Variants in NOD2 observed in about 807,000 individuals in gnomAD.
NOD2 encodes nucleotide binding oligomerization domain containing 2.
Under a neutral mutation model 90.9 loss-of-function variants are expected in NOD2, and 86 were observed. That is an observed-to-expected ratio of 0.95 (90% CI 0.79 to 1.13). The LOEUF is 1.13. NOD2 is among the 50% of genes most tolerant of loss of function. The pLI, the probability that NOD2 is intolerant of heterozygous loss-of-function variation, is 0.00. For missense variants in NOD2, 1,238 were observed against 1,283.8 expected, an observed-to-expected ratio of 0.96 and a Z score of 0.55; for synonymous variants, 581 against 554.6, an observed-to-expected ratio of 1.05 and a Z score of -0.67.
intron 2 of NOD2, among the ~76,000 whole-genome samples, chr16:50,700,472 A>G (rs527393163): frequency 1.2e-4 from 19 of 152,330 alleles, no homozygotes; most frequent in Admixed American, 3.9e-4. Flanking sequence ...AGGAACTCAG[A>G]TTCTGGAGCC....
intron 11 of NOD2, 143 bp downstream of exon 11, chr16:50,730,044 A>C: frequency 1.5e-6 from 1 of 663,714 alleles, no homozygotes; most frequent in Non-Finnish European, 2.8e-6. Flanking sequence ...CTGCATGTGA[A>C]GGATCTGATT....
intron 3 of NOD2, among the ~76,000 whole-genome samples, chr16:50,709,040 T>G (rs1964334543): frequency 6.6e-6 from 1 of 152,174 alleles, no homozygotes; most frequent in South Asian, 2.1e-4. Context: ...TATTTCTCTA[T>G]AAAATGACAT....
chr16:50,708,915 T>C (rs1184761178), intron 3 of NOD2, among the ~76,000 whole-genome samples: 2 of 152,216 alleles, frequency 1.3e-5, no homozygotes, highest in Non-Finnish European at 2.9e-5. Context: ...GTGCAGGCCC[T>C]GGTTTGGCCC....
chr16:50,729,572 A>G (rs949958140), intron 10 of NOD2, among the ~76,000 whole-genome samples: 1 of 152,244 alleles, frequency 6.6e-6, no homozygotes, highest in African/African-American at 2.4e-5. Context: ...CTTAACCACT[A>G]TCCTAAGGGA....
Position 50,699,734 on chromosome 16 carries a change from C to G in NOD2, c.239C>G (p.Ala80Gly). The G allele has an allele frequency of 1.2e-6, 2 of 1,614,030 alleles. No individual in the cohort carries two copies. Residue 80 changes from alanine (A) to glycine (G), a missense_variant, in exon 2 of 12, where the codon GCC (alanine) becomes GGC (glycine). By Grantham distance (60) the Ala-to-Gly change is moderately conservative (BLOSUM62 0). Around this residue, in one of 3 missense-constraint regions of NOD2, gnomAD observed 567 missense variants for 577.3 expected, o/e 0.98. Transcript: ENST00000647318. ...GCCTGTCAGAAGCTCATCGCGGCTG[C>G]CCAAGAAGCCCAGGCCGACAGCCAG... ...TWACQKLIAA[A>G]QEAQADSQSP...
intron 2 of NOD2, among the ~76,000 whole-genome samples, chr16:50,705,873 C>A (rs2150796261): frequency 6.6e-6 from 1 of 152,162 alleles, no homozygotes; most frequent in East Asian, 1.9e-4. Context: ...ACAAAACAGA[C>A]AAAAATCTTT....
intron 4 of NOD2, 27 bp from the exon 5 acceptor site, chr16:50,716,560 T>C: frequency 1.2e-6 from 2 of 1,603,440 alleles, no homozygotes; most frequent in Non-Finnish European, 1.7e-6. Flanking sequence ...AGCTCCATTT[T>C]CAAATGTATT....
intron 1 of NOD2, among the ~76,000 whole-genome samples, chr16:50,695,191 C>A (rs920622070): frequency 6.6e-6 from 1 of 151,496 alleles, no homozygotes; most frequent in Non-Finnish European, 1.5e-5. Flanking sequence ...AAGGAGAGCC[C>A]GTTGAGCGGA....
chr16:50,699,902 G>T lies in NOD2; in HGVS notation c.407G>T (p.Ser136Ile). ...LDLAWERGFVSQYECDEIRLP... is the reference protein window; with the variant it reads ...LDLAWERGFVIQYECDEIRLP... ...CTGGCATGGGAGCGGGGTTTCGTCA[G>T]CCAGTATGAATGTGATGAAATCAGG... The change falls in exon 2 of 12, where the codon AGC becomes ATC. Residue 136 changes from serine (S) to isoleucine (I), a missense_variant. Physicochemically the swap from Ser to Ile is moderately radical, Grantham distance 142. Coordinates refer to ENST00000647318, the MANE Select transcript of NOD2 (RefSeq NM_001370466.1). 1 of 1,612,158 alleles carries T rather than the reference G, an allele frequency of 6.2e-7. No individual in the cohort carries two copies.
chr16:50,716,931 A>T lies in NOD2; in HGVS notation c.2506A>T (p.Met836Leu), dbSNP rs104895447. The T allele has an allele frequency of 6.8e-6, 11 of 1,614,126 alleles. No individual in the cohort carries two copies. The highest frequency in any genetic ancestry group is 9.3e-6 in the Non-Finnish European group (11 of 1,180,038). ...NKLTDGCAHS[M>L]AKLLACRQNF... is the part of the protein sequence containing the mutation. ...ATTGACTGACGGCTGTGCACACTCC[A>T]TGGCTAAGCTCCTTGCATGCAGGCA... Residue 836 changes from methionine to leucine, a missense_variant, in exon 6 of 12, where the codon ATG becomes TTG. Physicochemically the swap from Met to Leu is conservative, Grantham distance 15. Transcript: ENST00000647318.
intron 1 of NOD2, chr16:50,697,101 G>A (rs1275317628): frequency 1.1e-5 from 9 of 793,616 alleles, no homozygotes; most frequent in Admixed American, 2.0e-5. Context: ...TCTGGCCTCC[G>A]GCTTTTCCTT....
chr16:50,706,509 G>A (rs1039722580), intron 2 of NOD2, among the ~76,000 whole-genome samples: 4 of 152,114 alleles, frequency 2.6e-5, no homozygotes, highest in Admixed American at 6.6e-5. Flanking sequence ...ATTGTGGCTT[G>A]GAGGAGGATG....
chr16:50,701,243 G>A (rs1438806536), intron 2 of NOD2, among the ~76,000 whole-genome samples: 4 of 152,188 alleles, frequency 2.6e-5, no homozygotes, highest in East Asian at 1.9e-4. Flanking sequence ...CTTTGCACAC[G>A]GTAGGTACTC....
Position 50,716,948 on chromosome 16 carries a change from A to G in NOD2, c.2523A>G (p.Ala841=), listed in dbSNP as rs755857709. ...CACACTCCATGGCTAAGCTCCTTGC[A>G]TGCAGGCAGAACTTCTTGGCATTGA... is the stretch of plus-strand genomic sequence containing the variant. ...GCAHSMAKLL[A]CRQNFLALRL... is the part of the protein sequence containing the mutation. Residue 841 remains alanine, a synonymous_variant, in exon 6 of 12, where the codon GCA becomes GCG. Coordinates refer to ENST00000647318, the MANE Select transcript of NOD2 (RefSeq NM_001370466.1). 1.9e-6 allele frequency: 3 copies of G among 1,614,276 alleles called. No individual in the cohort carries two copies. The highest frequency in any genetic ancestry group is 1.7e-5 in the Admixed American group (1 of 60,036).
At chr16:50,698,589 A>C (rs779987327) in intron 1 of NOD2, among the ~76,000 whole-genome samples, 1 of 152,230 alleles carries the variant, frequency 6.6e-6, no homozygotes, top group Admixed American at 6.5e-5. Flanking sequence ...AGTTAGAGAC[A>C]TGCATTCCGG....
intron 10 of NOD2, among the ~76,000 whole-genome samples, chr16:50,726,346 C>A (rs1217832568): frequency 6.6e-6 from 1 of 152,200 alleles, no homozygotes; most frequent in Non-Finnish European, 1.5e-5. Flanking sequence ...CCTAGGAAAA[C>A]GCTTGCCTTT....
At chr16:50,697,022 C>T in intron 1 of NOD2, 4 of 606,342 alleles carry the variant, frequency 6.6e-6, no homozygotes, top group Non-Finnish European at 1.2e-5. Context: ...GTCATGGTCT[C>T]CAGGATGCAC....
In NOD2 at chr16:50,710,888, T is replaced by C. The variant is rs1964442301; in HGVS notation, c.896T>C (p.Leu299Pro). The C allele has an allele frequency of 6.2e-7, 1 of 1,614,040 alleles. No individual in the cohort carries two copies. The highest frequency in any genetic ancestry group is 1.7e-5 in the Admixed American group (1 of 60,012). ...WAAGQDFQEF[L>P]FVFPFSCRQL... ...GCAGGGCAAGACTTCCAGGAATTTCTCTTTGTCTTCCCATTCAGCTGCCGG... is the reference window on the plus strand; with the variant it reads ...GCAGGGCAAGACTTCCAGGAATTTCCCTTTGTCTTCCCATTCAGCTGCCGG... Residue 299 changes from leucine (L) to proline (P), a missense_variant, in exon 4 of 12, where the codon CTC (leucine) becomes CCC (proline). Coordinates refer to ENST00000647318, the MANE Select transcript of NOD2 (RefSeq NM_001370466.1).
At chr16:50,697,731 C>A (rs544541376) in intron 1 of NOD2, 51 of 318,544 alleles carry the variant, frequency 1.6e-4, no homozygotes, top group South Asian at 1.3e-3. Flanking sequence ...CTCTCCCAAG[C>A]AGCCAGACAC....
Sources: allele counts gnomAD v4.1 joint callset (sites outside exome capture counted in the v4.1 genomes callset), GRCh38; gene constraint gnomAD v4.1.1; regional missense constraint gnomAD v4.1.1; transcripts MANE v1.5; gene names NCBI Gene and HGNC (gene_info 2026-07-23, HGNC 2026-07-21).